METTL15: variants seen among roughly 807,000 people sequenced by gnomAD.
METTL15 encodes 12S rRNA N(4)-cytidine methyltransferase METTL15.
Under a neutral mutation model 38.3 loss-of-function variants are expected in METTL15, and 34 were observed. That is an observed-to-expected ratio of 0.89 (90% CI 0.68 to 1.18). METTL15 has a LOEUF of 1.18. Among genes scored for constraint, METTL15 ranks in the 50% most tolerant of loss-of-function variants. The probability of loss-of-function intolerance (pLI) is 0.00; values close to 1 mark genes in which losing one functional copy is unlikely to be tolerated. For missense variants in METTL15, 438 were observed against 498.4 expected, an observed-to-expected ratio of 0.88 and a Z score of 1.15; for synonymous variants, 162 against 170.9, an observed-to-expected ratio of 0.95 and a Z score of 0.41.
chr11:28,158,007 G>A (rs1850323074), intron 3 of METTL15, among the ~76,000 whole-genome samples: 1 of 152,170 alleles, frequency 6.6e-6, no homozygotes, highest in Admixed American at 6.5e-5. Context: ...TTCAAGCAGT[G>A]TACCTGGTTG....
At chr11:28,382,420 A>C (rs1469457052) in intron 5 of METTL15, among the ~76,000 whole-genome samples, 5 of 152,148 alleles carry the variant, frequency 3.3e-5, no homozygotes, top group African/African-American at 1.2e-4. Flanking sequence ...AAAAACCCAA[A>C]ATGGCTAGGA....
chr11:28,344,320 G>A (rs1169790396), intron 3 of METTL15, among the ~76,000 whole-genome samples: 1 of 152,114 alleles, frequency 6.6e-6, no homozygotes, highest in Non-Finnish European at 1.5e-5. Flanking sequence ...CTGTCTGAAT[G>A]AGCCATATCT....
intron 3 of METTL15, among the ~76,000 whole-genome samples, chr11:28,117,255 GTGTGTATATATATATATA>G (rs1198650390): frequency 1.7e-5 from 1 of 58,462 alleles, no homozygotes; most frequent in East Asian, 6.4e-4. Flanking sequence ...GTGTGTGTGT[GTGTGTATATATATATATA>G]TATATATATA....
chr11:28,215,742 T>C (rs568316835), intron 4 of METTL15, among the ~76,000 whole-genome samples: 2 of 152,238 alleles, frequency 1.3e-5, no homozygotes, highest in African/African-American at 2.4e-5. Context: ...ATTAATATTA[T>C]AAAAAGAGGA....
In METTL15 at chr11:28,331,798, TA is replaced by T. The variant is rs1220334716; in HGVS notation, c.*958del. The T allele has an allele frequency of 6.6e-6, 1 of 152,246 alleles. No individual in the cohort carries two copies. Among genetic ancestry groups the T allele is most frequent in the Non-Finnish European group, 1.5e-5 (1 of 68,034 alleles). 9.4% of individuals were successfully genotyped at this position (152,246 alleles called of 1,614,324 possible). A position where few individuals can be genotyped will look rare whatever the true frequency, so the allele number is the denominator to read the frequency against. ...ATTCATAATTCACATGTCAATTTTT[TA>T]TAGTAATATGTACTTCTAATTTATT... On this transcript the variant is annotated 3_prime_UTR_variant, in exon 7 of 7. Transcript: ENST00000407364.
At chr11:28,427,891 T>C (rs1033707833) in intron 6 of METTL15, among the ~76,000 whole-genome samples, 1 of 152,204 alleles carries the variant, frequency 6.6e-6, no homozygotes, top group Admixed American at 6.5e-5. Flanking sequence ...CCTGTCTTTC[T>C]ATTAGAATAC....
intron 6 of METTL15, among the ~76,000 whole-genome samples, chr11:28,467,360 C>A (rs1276255005): frequency 6.6e-6 from 1 of 152,174 alleles, no homozygotes; most frequent in Non-Finnish European, 1.5e-5. Context: ...ATAACACCTC[C>A]GTGGGCAACT....
chr11:28,438,523 A>G (rs1472117250), intron 6 of METTL15, among the ~76,000 whole-genome samples: 1 of 152,008 alleles, frequency 6.6e-6, no homozygotes, highest in Non-Finnish European at 1.5e-5. Flanking sequence ...TTATCATCTG[A>G]CTGAATCCCA....
intron 6 of METTL15, among the ~76,000 whole-genome samples, chr11:28,456,558 C>G (rs1475401309): frequency 6.6e-6 from 1 of 150,748 alleles, no homozygotes; most frequent in Non-Finnish European, 1.5e-5. Context: ...TTTCCTGCCT[C>G]AGTCCCCGAG....
At chr11:28,392,563 A>T (rs763750781) in intron 5 of METTL15, among the ~76,000 whole-genome samples, 7 of 152,128 alleles carry the variant, frequency 4.6e-5, no homozygotes. Flanking sequence ...GCCAGAAGAA[A>T]ATATAGGGGA....
intron 3 of METTL15, among the ~76,000 whole-genome samples, chr11:28,205,663 A>G (rs1228096638): frequency 2.0e-5 from 3 of 151,004 alleles, no homozygotes; most frequent in East Asian, 3.9e-4. Context: ...CTAGTTCTAG[A>G]TCCCTGAGGA....
chr11:28,318,762 G>C (rs955729476), intron 6 of METTL15, among the ~76,000 whole-genome samples: 3 of 152,048 alleles, frequency 2.0e-5, no homozygotes, highest in African/African-American at 4.8e-5. Context: ...ACTGTAAAAG[G>C]CTCCCTTCCT....
chr11:28,378,166 A>G (rs1032441770), intron 5 of METTL15, among the ~76,000 whole-genome samples: 8 of 152,072 alleles, frequency 5.3e-5, no homozygotes, highest in Admixed American at 5.2e-4. Flanking sequence ...GGCCTCCTTG[A>G]GCTGTGGTGG....
At chr11:28,371,558 C>A (rs1850243497) in intron 5 of METTL15, among the ~76,000 whole-genome samples, 1 of 151,938 alleles carries the variant, frequency 6.6e-6, no homozygotes, top group South Asian at 2.1e-4. Flanking sequence ...TCTTCTATTT[C>A]TGTGAAATGA....
At chr11:28,225,158 G>A (rs1313871809) in intron 4 of METTL15, among the ~76,000 whole-genome samples, 1 of 150,898 alleles carries the variant, frequency 6.6e-6, no homozygotes, top group Non-Finnish European at 1.5e-5. Flanking sequence ...TTCTATCTTG[G>A]GATTTAGATA....
At chr11:28,480,679 A>G (rs139894008) in intron 6 of METTL15, among the ~76,000 whole-genome samples, 3 of 152,292 alleles carry the variant, frequency 2.0e-5, no homozygotes, top group African/African-American at 7.2e-5. Flanking sequence ...GCAATCGTAT[A>G]TTATTGTTTC....
intron 6 of METTL15, among the ~76,000 whole-genome samples, chr11:28,511,230 C>G (rs778770328): frequency 6.6e-6 from 1 of 152,162 alleles, no homozygotes; most frequent in Admixed American, 6.5e-5. Context: ...AATTTTGACT[C>G]TCCCCAAAAC....
intron 5 of METTL15, among the ~76,000 whole-genome samples, chr11:28,397,193 T>C (rs974420340): frequency 1.3e-5 from 2 of 152,108 alleles, no homozygotes; most frequent in African/African-American, 4.8e-5. Context: ...AAGGACTTCA[T>C]GTCTAAAACA....
At chr11:28,376,383 C>G (rs1590350893) in intron 5 of METTL15, among the ~76,000 whole-genome samples, 1 of 151,910 alleles carries the variant, frequency 6.6e-6, no homozygotes, top group Admixed American at 6.6e-5. Context: ...GGATAGTTAG[C>G]TCTTCTTGTT....
Sources: allele counts gnomAD v4.1 joint callset (sites outside exome capture counted in the v4.1 genomes callset), GRCh38; gene constraint gnomAD v4.1.1; transcripts MANE v1.5; gene names NCBI Gene and HGNC (gene_info 2026-07-23, HGNC 2026-07-21).